The following PHF5A variants were observed in gnomAD, a reference collection of about 807,000 sequenced individuals.
PHF5A encodes the protein PHD finger protein 5A.
For synonymous variants in PHF5A, 52 were observed against 46.0 expected (o/e 1.13, Z -0.52); for missense variants, 24 against 140.6 (o/e 0.17, Z 4.19).
chr22:41,465,842 T>C (rs1178821332), intron 3 of PHF5A, among the ~76,000 whole-genome samples: 2 of 152,074 alleles, frequency 1.3e-5, no homozygotes, highest in Non-Finnish European at 2.9e-5. Flanking sequence ...ATGGCGCCAC[T>C]GCACTCCAGC....
At chr22:41,463,974 G>T (rs925563808) in intron 3 of PHF5A, among the ~76,000 whole-genome samples, 1 of 152,030 alleles carries the variant, frequency 6.6e-6, no homozygotes. Flanking sequence ...GGCTAACCAA[G>T]TTGCTTAACA....
chr22:41,468,483 G>A, intron 1 of PHF5A, 119 bp downstream of exon 1: 4 of 1,194,306 alleles, frequency 3.3e-6, no homozygotes, highest in Non-Finnish European at 4.9e-6. Flanking sequence ...CCCCGCGCCT[G>A]AGAGGCGGGA....
chr22:41,463,747 A>G (rs982873639), intron 3 of PHF5A, among the ~76,000 whole-genome samples: 13 of 150,318 alleles, frequency 8.6e-5, no homozygotes, highest in Non-Finnish European at 7.4e-5. Flanking sequence ...AAAAAAAAAA[A>G]GCCAGGCATG....
At chr22:41,462,681 C>T (rs573337556) in intron 3 of PHF5A, among the ~76,000 whole-genome samples, 6 of 152,148 alleles carry the variant, frequency 3.9e-5, no homozygotes, top group Non-Finnish European at 8.8e-5. Flanking sequence ...CTGTGCCTTA[C>T]TGACTTGTGC....
intron 3 of PHF5A, among the ~76,000 whole-genome samples, chr22:41,463,908 G>A (rs951191448): frequency 4.6e-5 from 7 of 151,462 alleles, no homozygotes; most frequent in Admixed American, 4.6e-4. Context: ...AAAAAAAAGA[G>A]TCAGACCACC....
intron 3 of PHF5A, among the ~76,000 whole-genome samples, chr22:41,466,357 C>CA (rs1344801644): frequency 6.6e-6 from 1 of 151,818 alleles, no homozygotes; most frequent in Non-Finnish European, 1.5e-5. Flanking sequence ...TGTCAAGGGA[C>CA]AAAAAAAATC....
In PHF5A at chr22:41,460,285, A is replaced by T; in HGVS notation, c.*113T>A. 1 of 794,374 alleles carries T rather than the reference A, an allele frequency of 1.3e-6. No individual in the cohort carries two copies. The highest frequency in any genetic ancestry group is 2.0e-6 in the Non-Finnish European group (1 of 498,110). 49.2% of individuals were successfully genotyped at this position (794,374 alleles called of 1,614,324 possible). ...GGTGGCAAGCTGCCAGTACACTAGC[A>T]GGCACTCCTGGTGATGCTCTGGGCT... On this transcript the variant is annotated 3_prime_UTR_variant, in exon 4 of 4. Coordinates refer to ENST00000216252, the MANE Select transcript of PHF5A (RefSeq NM_032758.4).
Position 41,468,675 on chromosome 22 carries a change from C to G in PHF5A, c.-22G>C, listed in dbSNP as rs1435042413. ...CCATAGCTCCTAACTAAGCCGGCCA[C>G]CGGAAGCTTCGGGAACTTCCGTCCG... On this transcript the variant is annotated 5_prime_UTR_variant, in exon 1 of 4. Transcript: ENST00000216252. The G allele has an allele frequency of 6.2e-7, 1 of 1,613,832 alleles. No individual in the cohort carries two copies. Among genetic ancestry groups the G allele is most frequent in the Non-Finnish European group, 8.5e-7 (1 of 1,179,758 alleles).
intron 3 of PHF5A, among the ~76,000 whole-genome samples, chr22:41,466,789 G>C (rs1473886685): frequency 1.3e-5 from 2 of 152,050 alleles, no homozygotes; most frequent in Admixed American, 1.3e-4. Flanking sequence ...CCAGGAGTTC[G>C]AGACCAACCT....
rs994365051 is a variant in PHF5A at position 41,462,981 on chromosome 22, C to G, written c.244-2494G>C. On this transcript the variant is annotated intron_variant, in intron 3 of 3. Coordinates refer to ENST00000216252, the MANE Select transcript of PHF5A (RefSeq NM_032758.4). Reference sequence around the variant, plus strand: ...CTCTGCCTCCTGGGTTCAAGCAATTCTCCTGCCTCAGACTCCTGAGTAGCT... The same window carrying G: ...CTCTGCCTCCTGGGTTCAAGCAATTGTCCTGCCTCAGACTCCTGAGTAGCT... Among the ~76,000 whole-genome samples, 5 of 151,520 alleles carry G rather than the reference C, an allele frequency of 3.3e-5. No homozygotes were observed. In the South Asian group the frequency reaches 1.0e-3, roughly 32 times the overall value.
intron 1 of PHF5A, 86 bp downstream of exon 1, chr22:41,468,516 C>A (rs910438088): frequency 3.0e-5 from 43 of 1,448,044 alleles, no homozygotes; most frequent in Non-Finnish European, 3.6e-5. Flanking sequence ...GCGAGGCAAG[C>A]CCCTAAGGAA....
intron 3 of PHF5A, among the ~76,000 whole-genome samples, chr22:41,464,985 G>C (rs1020620702): frequency 5.3e-5 from 8 of 152,170 alleles, no homozygotes; most frequent in African/African-American, 7.2e-5. Flanking sequence ...ACAAACCAAA[G>C]TCCTGCCTCT....
At chr22:41,467,805 G>A (rs574087772) in intron 2 of PHF5A, among the ~76,000 whole-genome samples, 191 bp from the exon 3 acceptor site, 1 of 152,258 alleles carries the variant, frequency 6.6e-6, no homozygotes, top group Admixed American at 6.5e-5. Flanking sequence ...ACATACAAAA[G>A]TTTACCAATT....
At chr22:41,466,243 C>T (rs1054688778) in intron 3 of PHF5A, among the ~76,000 whole-genome samples, 2 of 152,074 alleles carry the variant, frequency 1.3e-5, no homozygotes, top group African/African-American at 2.4e-5. Flanking sequence ...CCAATACTAA[C>T]CGAAAAAAAT....
At chr22:41,464,203 T>C (rs2037848472) in intron 3 of PHF5A, among the ~76,000 whole-genome samples, 1 of 152,214 alleles carries the variant, frequency 6.6e-6, no homozygotes. Flanking sequence ...AAATCAGTCC[T>C]CTGGTAGCAA....
In PHF5A at chr22:41,461,149, G is replaced by T. The variant is rs564385413; in HGVS notation, c.244-662C>A. 4.6e-5 allele frequency among the ~76,000 whole-genome samples: 7 copies of T among 151,910 alleles called. No individual in the cohort carries two copies. In the South Asian group the frequency reaches 8.3e-4, roughly 18 times the overall value. On this transcript the variant is annotated intron_variant, in intron 3 of 3. Coordinates refer to ENST00000216252, the MANE Select transcript of PHF5A (RefSeq NM_032758.4). ...GATCACGCCACAGCACTCCAGCCTG[G>T]GTAACAAGAGAGAAACTCCATCTCA...
At chr22:41,467,718 T>C (rs1269642162) in intron 2 of PHF5A, 104 bp from the exon 3 acceptor site, 12 of 1,316,734 alleles carry the variant, frequency 9.1e-6, no homozygotes, top group African/African-American at 1.5e-5. Context: ...CTAGTCTCCT[T>C]TTGACAGTGA....
At chr22:41,466,357 C>A (rs2037866204) in intron 3 of PHF5A, among the ~76,000 whole-genome samples, 1 of 151,818 alleles carries the variant, frequency 6.6e-6, no homozygotes. Flanking sequence ...TGTCAAGGGA[C>A]AAAAAAAATC....
At chr22:41,467,089 C>T (rs1440657203) in intron 3 of PHF5A, among the ~76,000 whole-genome samples, 2 of 150,490 alleles carry the variant, frequency 1.3e-5, no homozygotes, top group African/African-American at 4.9e-5. Flanking sequence ...TGGTCTTTAA[C>T]TCCTGGACTA....
Sources: gnomAD v4.1 joint callset for allele counts (sites outside exome capture counted in the v4.1 genomes callset) on GRCh38, gnomAD v4.1.1 for gene constraint, MANE v1.5 for transcripts, NCBI Gene and HGNC (gene_info 2026-07-23, HGNC 2026-07-21) for gene names.